Variants in PTPRD observed in about 807,000 individuals in gnomAD.
The protein encoded by PTPRD is protein tyrosine phosphatase receptor type D, also known as receptor-type tyrosine-protein phosphatase delta.
A neutral mutation model predicts 214.5 loss-of-function variants in PTPRD; 34 were observed. That is an observed-to-expected ratio of 0.16 (90% CI 0.12 to 0.21). PTPRD has a LOEUF of 0.21. PTPRD is among the 10% of genes least tolerant of loss of function. PTPRD has a pLI of 1.00. For missense variants in PTPRD, 2,545 were observed against 2,398.7 expected (o/e 1.06, Z -1.27); for synonymous variants, 1,128 against 845.7 (o/e 1.33, Z -5.79).
chr9:10,127,372 C>T (rs890214552), intron 3 of PTPRD, among the ~76,000 whole-genome samples: 1 of 152,104 alleles, frequency 6.6e-6, no homozygotes, highest in African/African-American at 2.4e-5. Context: ...TTCAATAAAG[C>T]ACTTCATAAT....
Position 9,819,447 on chromosome 9 carries a change from T to C in PTPRD, c.-367-52596A>G, listed in dbSNP as rs1598713957. On this transcript the variant is annotated intron_variant, in intron 5 of 45. Coordinates refer to ENST00000381196, the MANE Select transcript of PTPRD (RefSeq NM_002839.4). ...AGGACATAAGCCTAATGATAATTAA[T>C]TTCTACTGCATATATTGCTGTAATA... Among the ~76,000 whole-genome samples the C allele has an allele frequency of 2.6e-5, 4 of 152,332 alleles. No homozygotes were observed. The South Asian group carries it at 8.3e-4, about 32-fold the overall frequency.
chr9:9,627,948 TG>T (rs1024594257), intron 7 of PTPRD, among the ~76,000 whole-genome samples: 50 of 152,136 alleles, frequency 3.3e-4, no homozygotes, highest in African/African-American at 8.0e-4. Flanking sequence ...TTACAACATA[TG>T]TTTTTTTTAA....
intron 11 of PTPRD, among the ~76,000 whole-genome samples, chr9:8,968,279 A>G (rs764602623): frequency 6.6e-6 from 1 of 152,096 alleles, no homozygotes; most frequent in Non-Finnish European, 1.5e-5. Flanking sequence ...CAGTAATGGG[A>G]TGGCTGGGTC....
At chr9:9,602,030 T>C (rs1436384407) in intron 7 of PTPRD, among the ~76,000 whole-genome samples, 1 of 152,126 alleles carries the variant, frequency 6.6e-6, no homozygotes, top group East Asian at 1.9e-4. Flanking sequence ...TGAATATTTT[T>C]GTAGGCAGAT....
At chr9:9,861,598 A>AT (rs1448616211) in intron 5 of PTPRD, among the ~76,000 whole-genome samples, 1 of 152,142 alleles carries the variant, frequency 6.6e-6, no homozygotes, top group Admixed American at 6.6e-5. Flanking sequence ...CGAAATAGTT[A>AT]TTTTTTATCA....
chr9:8,659,937 G>A (rs772568425), intron 12 of PTPRD, among the ~76,000 whole-genome samples: 1 of 152,174 alleles, frequency 6.6e-6, no homozygotes. Flanking sequence ...GAGAGAGAGA[G>A]AGAGACTGGT....
chr9:10,079,379 A>G (rs718344), intron 3 of PTPRD, among the ~76,000 whole-genome samples: 105 of 152,202 alleles, frequency 6.9e-4, no homozygotes, highest in African/African-American at 2.5e-3. Flanking sequence ...AAACTAAAAT[A>G]TGTATTGGCA....
At chr9:9,175,351 G>A (rs1592934650) in intron 10 of PTPRD, among the ~76,000 whole-genome samples, 1 of 151,928 alleles carries the variant, frequency 6.6e-6, no homozygotes, top group African/African-American at 2.4e-5. Flanking sequence ...GGCTGGGCAC[G>A]GTGGCTCACG....
intron 8 of PTPRD, among the ~76,000 whole-genome samples, chr9:9,426,480 G>A (rs1015251715): frequency 2.0e-5 from 3 of 152,204 alleles, no homozygotes; most frequent in Non-Finnish European, 4.4e-5. Context: ...CACCTCTGAC[G>A]GCAGAGCATA....
At chr9:9,852,928 C>T (rs2060822262) in intron 5 of PTPRD, among the ~76,000 whole-genome samples, 1 of 152,134 alleles carries the variant, frequency 6.6e-6, no homozygotes, top group Non-Finnish European at 1.5e-5. Flanking sequence ...CTGAGTGAAT[C>T]AGCTGGATAT....
At chr9:8,982,504 T>C (rs923433535) in intron 11 of PTPRD, among the ~76,000 whole-genome samples, 4 of 148,050 alleles carry the variant, frequency 2.7e-5, no homozygotes, top group Non-Finnish European at 5.9e-5. Flanking sequence ...ATTTGTACCA[T>C]AGTGTTCAAA....
intron 11 of PTPRD, among the ~76,000 whole-genome samples, chr9:8,987,557 C>T: frequency 6.6e-6 from 1 of 152,070 alleles, no homozygotes; most frequent in East Asian, 1.9e-4. Context: ...TTTTTGATCA[C>T]ATGATATGTG....
chr9:9,017,793 A>G (rs1213938081), intron 11 of PTPRD, among the ~76,000 whole-genome samples: 7 of 152,168 alleles, frequency 4.6e-5, no homozygotes, highest in African/African-American at 1.7e-4. Context: ...TTCAAGTTGT[A>G]GTTTAAATTA....
chr9:8,331,345 CTAATAG>C (rs1195676758), intron 44 of PTPRD, among the ~76,000 whole-genome samples: 1 of 151,996 alleles, frequency 6.6e-6, no homozygotes, highest in East Asian at 1.9e-4. Flanking sequence ...TTTGGTTTGT[CTAATAG>C]GAAGCAAATT....
chr9:10,097,025 T>C (rs1407073341), intron 3 of PTPRD, among the ~76,000 whole-genome samples: 5 of 151,892 alleles, frequency 3.3e-5, no homozygotes, highest in Non-Finnish European at 7.4e-5. Flanking sequence ...TTTGGTCAGG[T>C]TTGTCAAAGA....
intron 2 of PTPRD, among the ~76,000 whole-genome samples, chr9:10,349,113 A>T (rs1463673121): frequency 6.6e-6 from 1 of 151,952 alleles, no homozygotes; most frequent in Non-Finnish European, 1.5e-5. Context: ...AGACTCACTG[A>T]GCAGGACGAA....
Position 9,356,797 on chromosome 9 carries a change from C to T in PTPRD, c.-203+40652G>A, listed in dbSNP as rs575465264. ...TTTCATTATGAAAAAGAAATACATT[C>T]TGTTGATGATCTCCAAGGTCCATTC... On this transcript the variant is annotated intron_variant, in intron 9 of 45. Transcript: ENST00000381196. 7.3e-5 allele frequency among the ~76,000 whole-genome samples: 11 copies of T among 151,422 alleles called. No homozygotes were observed. In the South Asian group the frequency reaches 2.3e-3, roughly 31 times the overall value.
chr9:10,410,630 T>C (rs943859586), intron 2 of PTPRD, among the ~76,000 whole-genome samples: 9 of 151,722 alleles, frequency 5.9e-5, no homozygotes, highest in African/African-American at 1.7e-4. Context: ...TGAAAAAAAG[T>C]ACTTGTACCA....
intron 3 of PTPRD, among the ~76,000 whole-genome samples, chr9:10,227,884 C>T (rs1336436518): frequency 2.0e-5 from 3 of 151,840 alleles, no homozygotes; most frequent in Admixed American, 2.0e-4. Context: ...TGGCTGAGGA[C>T]TCGCAAGACA....
Sources: gnomAD v4.1 joint callset for allele counts (sites outside exome capture counted in the v4.1 genomes callset) on GRCh38, gnomAD v4.1.1 for gene constraint, MANE v1.5 for transcripts, NCBI Gene and HGNC (gene_info 2026-07-23, HGNC 2026-07-21) for gene names.